RFWD3: variants seen among roughly 807,000 people sequenced by gnomAD.
The protein encoded by RFWD3 is E3 ubiquitin-protein ligase RFWD3.
A neutral mutation model predicts 87.7 loss-of-function variants in RFWD3; 65 were observed. The observed-to-expected ratio is 0.74, with a 90% CI of 0.61 to 0.91. The LOEUF is 0.91. RFWD3 is among the 40% of genes least tolerant of loss of function. The probability of loss-of-function intolerance (pLI) is 0.00; values close to 1 mark genes in which losing one functional copy is unlikely to be tolerated. For missense variants in RFWD3, 1,078 were observed against 938.5 expected, an observed-to-expected ratio of 1.15 and a Z score of -1.94; for synonymous variants, 433 against 352.8, an observed-to-expected ratio of 1.23 and a Z score of -2.55.
intron 6 of RFWD3, chr16:74,644,150 T>C: frequency 1.7e-6 from 1 of 604,502 alleles, no homozygotes; most frequent in South Asian, 2.0e-5. Context: ...TGTTTAATGC[T>C]CTACATAAGG....
At chr16:74,656,885 C>T (rs1157592071) in intron 2 of RFWD3, among the ~76,000 whole-genome samples, 1 of 152,220 alleles carries the variant, frequency 6.6e-6, no homozygotes, top group African/African-American at 2.4e-5. Flanking sequence ...GGGCTCAAGA[C>T]TTCAGTTAAG....
chr16:74,632,284 C>T (rs1025972673), intron 9 of RFWD3, among the ~76,000 whole-genome samples: 1 of 151,868 alleles, frequency 6.6e-6, no homozygotes, highest in African/African-American at 2.4e-5. Context: ...CCTAGCTACT[C>T]GGGAGGCTGA....
chr16:74,653,186 C>T (rs1960697296), intron 2 of RFWD3, among the ~76,000 whole-genome samples: 1 of 151,662 alleles, frequency 6.6e-6, no homozygotes, highest in Non-Finnish European at 1.5e-5. Flanking sequence ...AAAAAATACA[C>T]AATATAGCCA....
Position 74,625,157 on chromosome 16 carries a change from A to G in RFWD3, c.2182-1086T>C, listed in dbSNP as rs560160004. ...GGAGGTTGTAGTAAGCCAAGATTGC[A>G]CCTCTGCACTCCAGCCTGGGCAACA... On this transcript the variant is annotated intron_variant, in intron 12 of 12. Coordinates refer to ENST00000361070, the MANE Select transcript of RFWD3 (RefSeq NM_018124.4). Among the ~76,000 whole-genome samples the G allele has an allele frequency of 2.0e-3, 302 of 148,858 alleles. 2 individuals are homozygous for G. The highest frequency in any genetic ancestry group is 3.7e-3 in the Non-Finnish European group (250 of 67,442).
Position 74,623,929 on chromosome 16 carries a change from C to T in RFWD3, c.2324G>A (p.Ter775=), listed in dbSNP as rs1239020018. 4 of 1,613,946 alleles carry T rather than the reference C, an allele frequency of 2.5e-6. No individual in the cohort carries two copies. Among genetic ancestry groups the T allele is most frequent in the Non-Finnish European group, 3.4e-6 (4 of 1,179,944 alleles). ...EKMVHIYKWE[*] ...GCCTTCAAGGTTTCGAGACCACAGT[C>T]ACTCCCACTTATAGATGTGGACCAT... is the stretch of plus-strand genomic sequence containing the variant. The change falls in exon 13 of 13, where the codon TGA becomes TAA. Residue 775 remains the stop codon, a stop_retained_variant. Transcript: ENST00000361070.
intron 7 of RFWD3, 31 bp from the exon 8 acceptor site, chr16:74,636,608 G>T: frequency 2.0e-6 from 3 of 1,503,736 alleles, no homozygotes; most frequent in Non-Finnish European, 2.7e-6. Context: ...TAAATACAAA[G>T]CTTTTTAATT....
chr16:74,639,036 CTTTTTT>C (rs564298799), intron 6 of RFWD3, among the ~76,000 whole-genome samples: 7 of 132,110 alleles, frequency 5.3e-5, no homozygotes, highest in African/African-American at 8.6e-5. Flanking sequence ...TGAGCTAAGA[CTTTTTT>C]TTTTTTTTTT....
chr16:74,628,052 C>G (rs1254190877), intron 11 of RFWD3, among the ~76,000 whole-genome samples: 1 of 152,184 alleles, frequency 6.6e-6, no homozygotes, highest in Non-Finnish European at 1.5e-5. Flanking sequence ...TTTCAGTATG[C>G]CAGCCGGGCT....
intron 1 of RFWD3, among the ~76,000 whole-genome samples, chr16:74,663,759 G>A (rs1226172965): frequency 1.3e-5 from 2 of 152,202 alleles, no homozygotes; most frequent in Non-Finnish European, 2.9e-5. Flanking sequence ...CTGCTTAGCA[G>A]AGCCAAAAGA....
At chr16:74,626,715 G>A (rs1379603942) in intron 11 of RFWD3, among the ~76,000 whole-genome samples, 161 bp from the exon 12 acceptor site, 5 of 152,090 alleles carry the variant, frequency 3.3e-5, no homozygotes, top group African/African-American at 1.2e-4. Context: ...CAATATCACA[G>A]CATCAATGAA....
rs1959210117 is a variant in RFWD3 at position 74,636,901 on chromosome 16, T to C, written c.1195-324A>G. ...AATTTTTAAATATTTTTAGTAGAGA[T>C]GGGGTTTTACCACGTTGGCCGGGCT... On this transcript the variant is annotated intron_variant, in intron 7 of 12. Coordinates refer to ENST00000361070, the MANE Select transcript of RFWD3 (RefSeq NM_018124.4). Among the ~76,000 whole-genome samples, 4 of 151,728 alleles carry C rather than the reference T, an allele frequency of 2.6e-5. No individual in the cohort carries two copies. The South Asian group carries it at 6.2e-4, about 24-fold the overall frequency.
Position 74,623,500 on chromosome 16 carries a change from ATG to A in RFWD3, c.*426_*427del, listed in dbSNP as rs1958826717. On this transcript the variant is annotated 3_prime_UTR_variant, in exon 13 of 13. Coordinates refer to ENST00000361070, the MANE Select transcript of RFWD3 (RefSeq NM_018124.4). ...GTTGCATCAAATCAGTACCAAGACGATGGTTAGTCCCTTCAAGGATACTTAAG... is the reference window on the plus strand; with the variant it reads ...GTTGCATCAAATCAGTACCAAGACGAGTTAGTCCCTTCAAGGATACTTAAG... 6.2e-6 allele frequency: 1 copy of A among 160,998 alleles called. No individual in the cohort carries two copies. The highest frequency in any genetic ancestry group is 1.4e-5 in the Non-Finnish European group (1 of 74,010). 10.0% of individuals were successfully genotyped at this position (160,998 alleles called of 1,614,324 possible). A position where few individuals can be genotyped will look rare whatever the true frequency, so the allele number is the denominator to read the frequency against.
At chr16:74,631,178 G>T (rs1195171225) in intron 9 of RFWD3, among the ~76,000 whole-genome samples, 1 of 152,100 alleles carries the variant, frequency 6.6e-6, no homozygotes, top group African/African-American at 2.4e-5. Flanking sequence ...TGAGTTCTAA[G>T]GAAATAAAAT....
In RFWD3 at chr16:74,622,129, A is replaced by G. The variant is rs1958789216; in HGVS notation, c.*1799T>C. ...TAAGCCTGCCCAGGCCCAAAGACAA[A>G]GCCAGCCAGGACCTGACCACCTGTA... is the stretch of plus-strand genomic sequence containing the variant. On this transcript the variant is annotated 3_prime_UTR_variant, in exon 13 of 13. Transcript: ENST00000361070. 6.6e-6 allele frequency: 1 copy of G among 151,960 alleles called. No homozygotes were observed. The allele number at this position is 151,960 out of a possible 1,614,324, so 9.4% of individuals were successfully genotyped here.
At chr16:74,663,908 C>A (rs1961668496) in intron 1 of RFWD3, among the ~76,000 whole-genome samples, 1 of 152,136 alleles carries the variant, frequency 6.6e-6, no homozygotes, top group African/African-American at 2.4e-5. Flanking sequence ...AAGAGAAGGG[C>A]TGGTTAAAAG....
At chr16:74,657,227 AGATGCTT>A (rs934981581) in intron 2 of RFWD3, among the ~76,000 whole-genome samples, 3 of 152,210 alleles carry the variant, frequency 2.0e-5, no homozygotes, top group Non-Finnish European at 4.4e-5. Flanking sequence ...GATTACAGGC[AGATGCTT>A]TTCACAACTA....
chr16:74,638,065 T>G, intron 6 of RFWD3, 95 bp from the exon 7 acceptor site: 1 of 711,704 alleles, frequency 1.4e-6, no homozygotes, highest in Non-Finnish European at 2.5e-6. Context: ...ATGATGCACG[T>G]TCTTTGCTGT....
At chr16:74,631,213 G>T (rs1004078808) in intron 9 of RFWD3, among the ~76,000 whole-genome samples, 1 of 152,170 alleles carries the variant, frequency 6.6e-6, no homozygotes, top group African/African-American at 2.4e-5. Context: ...GCTGGACATG[G>T]TGGCTCATGC....
At chr16:74,664,990 G>T (rs774419356) in intron 1 of RFWD3, among the ~76,000 whole-genome samples, 9 of 152,204 alleles carry the variant, frequency 5.9e-5, no homozygotes, top group Non-Finnish European at 8.8e-5. Flanking sequence ...AAACCTTGAG[G>T]ATGTCACACA....
Sources: gnomAD v4.1 joint callset for allele counts (sites outside exome capture counted in the v4.1 genomes callset) on GRCh38, gnomAD v4.1.1 for gene constraint, MANE v1.5 for transcripts, NCBI Gene and HGNC (gene_info 2026-07-23, HGNC 2026-07-21) for gene names.